The following CUX2 variants were observed in gnomAD, a reference collection of about 807,000 sequenced individuals.
CUX2 encodes the protein homeobox protein cut-like 2.
In CUX2, 40 loss-of-function variants were observed where a neutral mutation model predicts 144.8. The ratio of observed to expected loss-of-function variants is 0.28; its 90% CI spans 0.21 to 0.36. CUX2 has a LOEUF of 0.36. Ranked by LOEUF, CUX2 falls within the 10% of genes least tolerant of loss-of-function variation. The pLI, the probability that CUX2 is intolerant of heterozygous loss-of-function variation, is 1.00. For synonymous variants in CUX2, 827 were observed against 875.6 expected (o/e 0.94, Z 0.98); for missense variants, 1,615 against 1,994.0 (o/e 0.81, Z 3.62).
chr12:111,129,929 G>A (rs946803696), intron 1 of CUX2, among the ~76,000 whole-genome samples: 2 of 152,172 alleles, frequency 1.3e-5, no homozygotes, highest in African/African-American at 4.8e-5. Flanking sequence ...ATGAACCTGA[G>A]CTAAAACTCT....
chr12:111,071,400 T>C (rs564573394), intron 1 of CUX2, among the ~76,000 whole-genome samples: 1 of 152,354 alleles, frequency 6.6e-6, no homozygotes, highest in South Asian at 2.1e-4. Flanking sequence ...TTCATATGCT[T>C]ATTTGCATAT....
intron 1 of CUX2, among the ~76,000 whole-genome samples, chr12:111,088,718 T>G (rs1213857771): frequency 6.6e-6 from 1 of 152,180 alleles, no homozygotes; most frequent in Non-Finnish European, 1.5e-5. Flanking sequence ...GACGCAGACC[T>G]GGGAGTGTCA....
Position 111,061,461 on chromosome 12 carries a change from A to T in CUX2, c.63+27221A>T, listed in dbSNP as rs1385849864. Among the ~76,000 whole-genome samples, 1 of 152,220 alleles carries T rather than the reference A, an allele frequency of 6.6e-6. No individual in the cohort carries two copies. The highest frequency in any genetic ancestry group is 2.4e-5 in the African/African-American group (1 of 41,448). On this transcript the variant is annotated intron_variant, in intron 1 of 21. Coordinates refer to ENST00000261726, the MANE Select transcript of CUX2 (RefSeq NM_015267.4). The surrounding 1 kb of genome is among the most constrained non-coding windows in gnomAD (Gnocchi z 4.2). The stretch of plus-strand genomic sequence containing the variant: ...AAGGGCTTTTTAAAAGTAATTTTGC[A>T]TTATGGAAGACAAAGTCGCCCCATT...
intron 21 of CUX2, among the ~76,000 whole-genome samples, chr12:111,346,249 G>C (rs1888800793): frequency 6.6e-6 from 1 of 151,804 alleles, no homozygotes; most frequent in African/African-American, 2.4e-5. Context: ...GCCGAGGCTG[G>C]TGGATTGCTT....
chr12:111,034,403 T>TC lies in CUX2; in HGVS notation c.63+163_63+164insC, dbSNP rs1313844286. Among the ~76,000 whole-genome samples, 1 of 150,704 alleles carries TC rather than the reference T, an allele frequency of 6.6e-6. No homozygotes were observed. The highest frequency in any genetic ancestry group is 1.5e-5 in the Non-Finnish European group (1 of 67,574). On this transcript the variant is annotated intron_variant, in intron 1 of 21. Coordinates refer to ENST00000261726, the MANE Select transcript of CUX2 (RefSeq NM_015267.4). The surrounding 1 kb of genome is among the most constrained non-coding windows in gnomAD (Gnocchi z 4.2). ...CCGCCCGCTGCCCATCGATAGGTAT[T>TC]AGGAATTGATCTCGCCGCTGCTCTT...
At chr12:111,292,682 A>G (rs910573393) in intron 5 of CUX2, among the ~76,000 whole-genome samples, 2 of 152,216 alleles carry the variant, frequency 1.3e-5, no homozygotes, top group Non-Finnish European at 2.9e-5. Context: ...TGAAATGTCA[A>G]AACAGGCAAA....
chr12:111,193,769 T>A (rs1195085593), intron 1 of CUX2, among the ~76,000 whole-genome samples: 1 of 152,156 alleles, frequency 6.6e-6, no homozygotes, highest in Non-Finnish European at 1.5e-5. Flanking sequence ...CTCCGCCTCC[T>A]GATGAGATGT....
intron 3 of CUX2, among the ~76,000 whole-genome samples, chr12:111,256,414 G>T (rs972019124): frequency 6.6e-6 from 1 of 152,048 alleles, no homozygotes; most frequent in Non-Finnish European, 1.5e-5. Context: ...GACCCTCCAA[G>T]CACCTGCCTC....
chr12:111,233,567 C>CA, intron 3 of CUX2, among the ~76,000 whole-genome samples: 1 of 152,082 alleles, frequency 6.6e-6, no homozygotes, highest in Admixed American at 6.5e-5. Flanking sequence ...GACTGAGACA[C>CA]AGAGATGGGG....
chr12:111,153,395 G>A (rs1566257713), intron 1 of CUX2, among the ~76,000 whole-genome samples: 2 of 152,122 alleles, frequency 1.3e-5, no homozygotes, highest in Non-Finnish European at 2.9e-5. Context: ...CATTGCTGTT[G>A]AACATCATGG....
chr12:111,342,112 C>T (rs1355767472), intron 21 of CUX2, 59 bp downstream of exon 21: 2 of 1,551,690 alleles, frequency 1.3e-6, no homozygotes, highest in Non-Finnish European at 1.7e-6. Flanking sequence ...GACCCCTTCC[C>T]CATCCCAGGG....
Position 111,263,751 on chromosome 12 carries a change from G to GTC in CUX2, c.223-7_223-6dup, listed in dbSNP as rs769507446. The stretch of plus-strand genomic sequence containing the variant: ...GTTACACGTGACTCTTTCTCTTGTT[G>GTC]TCTCCAAAGGTGGTGGCCCTTAGTA... On this transcript the variant is annotated splice_polypyrimidine_tract_variant and intron_variant, in intron 3 of 21. Coordinates refer to ENST00000261726, the MANE Select transcript of CUX2 (RefSeq NM_015267.4). The surrounding 1 kb of genome is among the most constrained non-coding windows in gnomAD (Gnocchi z 4.0). The GTC allele has an allele frequency of 5.4e-5, 87 of 1,611,336 alleles. No individual in the cohort carries two copies. Among genetic ancestry groups the GTC allele is most frequent in the Non-Finnish European group, 7.1e-5 (84 of 1,177,652 alleles).
At chr12:111,199,649 T>C (rs1388267855) in intron 1 of CUX2, among the ~76,000 whole-genome samples, 1 of 152,178 alleles carries the variant, frequency 6.6e-6, no homozygotes, top group African/African-American at 2.4e-5. Context: ...TTTCTCTTAG[T>C]CAATAGAGTA....
At chr12:111,064,063 G>A (rs1234604557) in intron 1 of CUX2, among the ~76,000 whole-genome samples, 1 of 152,202 alleles carries the variant, frequency 6.6e-6, no homozygotes. Flanking sequence ...TTGGGATCAA[G>A]AAAGGGGCTT....
intron 1 of CUX2, among the ~76,000 whole-genome samples, chr12:111,090,120 G>C (rs1344527793): frequency 2.0e-5 from 3 of 152,202 alleles, no homozygotes; most frequent in East Asian, 3.9e-4. Context: ...TCCTGGAGCA[G>C]AGTTGTGGGA....
intron 1 of CUX2, among the ~76,000 whole-genome samples, chr12:111,112,849 G>A (rs931644472): frequency 6.6e-6 from 1 of 152,182 alleles, no homozygotes; most frequent in Non-Finnish European, 1.5e-5. Context: ...GCATAACTTG[G>A]CCAGCATTTT....
chr12:111,347,082 C>A (rs2136457867), intron 21 of CUX2, among the ~76,000 whole-genome samples: 1 of 152,294 alleles, frequency 6.6e-6, no homozygotes, highest in Admixed American at 6.5e-5. Flanking sequence ...TTAATGAGAT[C>A]TTTCACTTTG....
chr12:111,276,837 G>T (rs868549163), intron 4 of CUX2, among the ~76,000 whole-genome samples: 1 of 152,142 alleles, frequency 6.6e-6, no homozygotes, highest in East Asian at 1.9e-4. Flanking sequence ...TAGTAGAGAC[G>T]GGGTGTCACC....
chr12:111,239,447 G>A (rs1049768766), intron 3 of CUX2, among the ~76,000 whole-genome samples: 23 of 152,148 alleles, frequency 1.5e-4, no homozygotes, highest in African/African-American at 4.8e-4. Context: ...CAGCCCAGTT[G>A]CGTTCTCTCA....
Sources: allele counts gnomAD v4.1 joint callset (sites outside exome capture counted in the v4.1 genomes callset), GRCh38; gene constraint gnomAD v4.1.1; non-coding constraint Gnocchi (gnomAD v3.1); transcripts MANE v1.5; gene names NCBI Gene and HGNC (gene_info 2026-07-23, HGNC 2026-07-21).